Variants in RRP9 observed in about 807,000 individuals in gnomAD.
RRP9 encodes the protein U3 small nucleolar RNA-interacting protein 2.
In RRP9, 35 loss-of-function variants were observed where a neutral mutation model predicts 65.5. The observed-to-expected ratio is 0.53, with a 90% CI of 0.41 to 0.71. The LOEUF (loss-of-function observed/expected upper bound fraction) is 0.71. Among genes scored for constraint, RRP9 ranks in the 30% least tolerant of loss-of-function variants. The pLI is 0.00. For missense variants in RRP9, 533 were observed against 633.6 expected, an observed-to-expected ratio of 0.84 and a Z score of 1.70; for synonymous variants, 254 against 245.0, an observed-to-expected ratio of 1.04 and a Z score of -0.34.
Position 51,937,914 on chromosome 3 carries a change from G to A in RRP9, c.281-178C>T, listed in dbSNP as rs937898296. Reference sequence around the variant, plus strand: ...TTTACTTATCAGATCAGCCCCCTGCGGGCTCCCCAGGAGGCCCATGAGAGC... The same window carrying A: ...TTTACTTATCAGATCAGCCCCCTGCAGGCTCCCCAGGAGGCCCATGAGAGC... On this transcript the variant is annotated intron_variant, in intron 3 of 14. Coordinates refer to ENST00000232888, the MANE Select transcript of RRP9 (RefSeq NM_004704.5). The surrounding 1 kb of genome is among the most constrained non-coding windows in gnomAD (Gnocchi z 5.0). Among the ~76,000 whole-genome samples the A allele has an allele frequency of 3.9e-5, 6 of 152,352 alleles. No homozygotes were observed. The highest frequency in any genetic ancestry group is 1.2e-4 in the African/African-American group (5 of 41,584).
In RRP9 at chr3:51,937,499, C is replaced by T. The variant is rs201147478; in HGVS notation, c.390+46G>A. ...AGTGTCCACCATGTTCCAAGTGGGG[C>T]CCCCAATTCCCTCCAACCTTATACC... On this transcript the variant is annotated intron_variant, in intron 5 of 14. Transcript: ENST00000232888. This position sits in a 1 kb window ranked among gnomAD's most constrained non-coding sequence, Gnocchi z 5.0. 2 of 1,613,054 alleles carry T rather than the reference C, an allele frequency of 1.2e-6. No homozygotes were observed. The highest frequency in any genetic ancestry group is 2.7e-5 in the African/African-American group (2 of 75,034).
In RRP9 at chr3:51,938,083, C is replaced by T; in HGVS notation, c.280+12G>A. On this transcript the variant is annotated intron_variant, in intron 3 of 14. Transcript: ENST00000232888. ...GAAGCCCTGCCCATGGCTGGCCTGC[C>T]CACTGGCTCACCTTGCTGACGGAGC... is the stretch of plus-strand genomic sequence containing the variant. The T allele has an allele frequency of 6.3e-7, 1 of 1,589,222 alleles. No individual in the cohort carries two copies. The highest frequency in any genetic ancestry group is 8.5e-7 in the Non-Finnish European group (1 of 1,171,880).
chr3:51,935,381 T>C lies in RRP9; in HGVS notation c.932A>G (p.Lys311Arg), dbSNP rs1699445377. Residue 311 changes from lysine (K) to arginine (R), a missense_variant, in exon 10 of 15, where the codon AAG becomes AGG. Physicochemically the swap from Lys to Arg is conservative, Grantham distance 26. Coordinates refer to ENST00000232888, the MANE Select transcript of RRP9 (RefSeq NM_004704.5). The stretch of plus-strand genomic sequence containing the variant: ...GACAAGCTGGGACTCCTCGGGGATC[T>C]TCCACACACGTACAGTCCCATCCCG... ...GGRDGTVRVWKIPEESQLVFY... is the reference protein window; with the variant it reads ...GGRDGTVRVWRIPEESQLVFY... 1 of 1,614,114 alleles carries C rather than the reference T, an allele frequency of 6.2e-7. No homozygotes were observed. The highest frequency in any genetic ancestry group is 2.2e-5 in the East Asian group (1 of 44,874).
At chr3:51,938,337 C>G in intron 2 of RRP9, 133 bp from the exon 3 acceptor site, 1 of 656,552 alleles carries the variant, frequency 1.5e-6, no homozygotes, top group African/African-American at 1.9e-5. Context: ...GGTGACTACA[C>G]TGCAGAAAAC....
chr3:51,934,868 T>C lies in RRP9; in HGVS notation c.1035-92A>G. 1.5e-6 allele frequency: 2 copies of C among 1,347,736 alleles called. No homozygotes were observed. Among genetic ancestry groups the C allele is most frequent in the South Asian group, 1.3e-5 (1 of 77,982 alleles). The allele number at this position is 1,347,736 out of a possible 1,614,324, so 83.5% of individuals were successfully genotyped here. On this transcript the variant is annotated intron_variant, in intron 11 of 14. Transcript: ENST00000232888. This position sits in a 1 kb window ranked among gnomAD's most constrained non-coding sequence, Gnocchi z 4.1. ...AAGGATTAATGCTTGAGGGGATGGA[T>C]ACCCCATTTCCCATGATGTGATTAT...
Position 51,935,380 on chromosome 3 carries a change from C to G in RRP9, c.933G>C (p.Lys311Asn), listed in dbSNP as rs143172684. Reference sequence around the variant, plus strand: ...AGACAAGCTGGGACTCCTCGGGGATCTTCCACACACGTACAGTCCCATCCC... The same window carrying G: ...AGACAAGCTGGGACTCCTCGGGGATGTTCCACACACGTACAGTCCCATCCC... ...GGRDGTVRVW[K>N]IPEESQLVFY... is the part of the protein sequence containing the mutation. The change falls in exon 10 of 15, where the codon AAG becomes AAC. Residue 311 changes from lysine (K) to asparagine (N), a missense_variant. Physicochemically the swap from Lys to Asn is moderately conservative, Grantham distance 94. Transcript: ENST00000232888. The G allele has an allele frequency of 3.1e-6, 5 of 1,614,070 alleles. No individual in the cohort carries two copies. In the African/African-American group the frequency reaches 6.7e-5, roughly 22 times the overall value.
chr3:51,938,819 C>T (rs116788287), intron 2 of RRP9, among the ~76,000 whole-genome samples: 4,449 of 152,238 alleles, frequency 0.029, 124 homozygotes, highest in African/African-American at 0.064. Context: ...CCAGACATGA[C>T]GGGGGCAGTC....
rs5848937 is a variant in RRP9 at position 51,941,553 on chromosome 3, G to GCCC, written c.88-65_88-63dup. The GCCC allele has an allele frequency of 3.5e-3, 4,531 of 1,289,786 alleles. 139 individuals carry two copies. In the African/African-American group the frequency reaches 0.061, roughly 17 times the overall value. 79.9% of individuals were successfully genotyped at this position (1,289,786 alleles called of 1,614,324 possible). On this transcript the variant is annotated intron_variant, in intron 1 of 14. Transcript: ENST00000232888. Reference sequence around the variant, plus strand: ...CAGACCACCCTGGCATTGACCAAGGGCCCCCCCCCCTCGGTTCCCTCAGAA... The same window carrying GCCC: ...CAGACCACCCTGGCATTGACCAAGGGCCCCCCCCCCCCCTCGGTTCCCTCAGAA...
rs1244516177 is a variant in RRP9, at chr3:51,941,463, G to C, written c.116C>G (p.Ser39Cys). 1.9e-6 allele frequency: 3 copies of C among 1,614,004 alleles called. No individual in the cohort carries two copies. The highest frequency in any genetic ancestry group is 1.3e-5 in the African/African-American group (1 of 74,904). The part of the protein sequence containing the change: ...KADSAGDRGK[S>C]KGGGKMNEEI... Reference sequence around the variant, plus strand: ...CTCATTCATCTTGCCGCCACCCTTGGATTTGCCCCTGTCCCCCGCAGAGTC... The same window carrying C: ...CTCATTCATCTTGCCGCCACCCTTGCATTTGCCCCTGTCCCCCGCAGAGTC... The change falls in exon 2 of 15, where the codon TCC (serine) becomes TGC (cysteine). Residue 39 changes from serine (S) to cysteine (C), a missense_variant. By Grantham distance (112) the Ser-to-Cys change is moderately radical. Around this residue, in one of 3 missense-constraint regions of RRP9, gnomAD observed 77 missense variants for 60.5 expected, o/e 1.27. Transcript: ENST00000232888.
Position 51,934,680 on chromosome 3 carries a change from G to C in RRP9, c.1131C>G (p.Phe377Leu). 1 of 1,614,178 alleles carries C rather than the reference G, an allele frequency of 6.2e-7. No individual in the cohort carries two copies. The highest frequency in any genetic ancestry group is 1.1e-5 in the South Asian group (1 of 91,088). The part of the protein sequence containing the change: ...LRGEPGLEQP[F>L]WISSVAALLN... ...GGAGGGCTGCCACCGACGATATCCA[G>C]AAGGGCTGCTCCAGGCCTGGCTCTC... is the stretch of plus-strand genomic sequence containing the variant. The change falls in exon 12 of 15, where the codon TTC (phenylalanine) becomes TTG (leucine). Residue 377 changes from phenylalanine (F) to leucine (L), a missense_variant. Coordinates refer to ENST00000232888, the MANE Select transcript of RRP9 (RefSeq NM_004704.5). This position sits in a 1 kb window ranked among gnomAD's most constrained non-coding sequence, Gnocchi z 4.1.
chr3:51,939,079 C>CA (rs759558911), intron 2 of RRP9, among the ~76,000 whole-genome samples: 1 of 152,196 alleles, frequency 6.6e-6, no homozygotes, highest in Admixed American at 6.5e-5. Context: ...CACTCAGACA[C>CA]AGAGAATCCA....
intron 2 of RRP9, among the ~76,000 whole-genome samples, chr3:51,940,571 A>C (rs1405273612): frequency 6.6e-6 from 1 of 151,920 alleles, no homozygotes; most frequent in African/African-American, 2.4e-5. Context: ...CAGACTGGAG[A>C]GCAGTGCATG....
chr3:51,937,200 A>C lies in RRP9; in HGVS notation c.509T>G (p.Ile170Ser), dbSNP rs1461114926. The change falls in exon 6 of 15, where the codon ATC becomes AGC. Residue 170 changes from isoleucine to serine, a missense_variant. Transcript: ENST00000232888. This position sits in a 1 kb window ranked among gnomAD's most constrained non-coding sequence, Gnocchi z 5.0. ...CCCAGGCACTCACTCACACTTAATG[A>C]TGCTGCAGTCTTTGGCAGCAGAGAA... ...AIFSAAKDCS[I>S]IKWSVESGRK... 9 of 1,613,252 alleles carry C rather than the reference A, an allele frequency of 5.6e-6. No individual in the cohort carries two copies. The highest frequency in any genetic ancestry group is 5.9e-6 in the Non-Finnish European group (7 of 1,179,684).
rs1699413549 is a variant in RRP9 at position 51,933,482 on chromosome 3, A to G, written c.*24T>C. 2 of 1,589,720 alleles carry G rather than the reference A, an allele frequency of 1.3e-6. No homozygotes were observed. ...GAGGGTGGGGCATAGCCTGGGAAGG[A>G]CTTAAATAAGGAGGATAAGAGTGTC... On this transcript the variant is annotated 3_prime_UTR_variant, in exon 15 of 15. Transcript: ENST00000232888.
chr3:51,934,307 G>A lies in RRP9; in HGVS notation c.1260+165C>T, dbSNP rs540422993. ...GACAGGGCCTAGGATAGGAAGGGGAGCAGAGGAGGGAAAGTGGGGAGGGTT... is the reference window on the plus strand; with the variant it reads ...GACAGGGCCTAGGATAGGAAGGGGAACAGAGGAGGGAAAGTGGGGAGGGTT... On this transcript the variant is annotated intron_variant, in intron 13 of 14. Coordinates refer to ENST00000232888, the MANE Select transcript of RRP9 (RefSeq NM_004704.5). This position sits in a 1 kb window ranked among gnomAD's most constrained non-coding sequence, Gnocchi z 4.1. 7.2e-5 allele frequency among the ~76,000 whole-genome samples: 11 copies of A among 152,340 alleles called. No homozygotes were observed. The South Asian group carries it at 2.3e-3, about 32-fold the overall frequency.
At chr3:51,935,503 T>C in intron 9 of RRP9, 27 bp from the exon 10 acceptor site, 1 of 1,613,938 alleles carries the variant, frequency 6.2e-7, no homozygotes, top group Non-Finnish European at 8.5e-7. Flanking sequence ...AGCAGGATAG[T>C]GGGGATAGGG....
Position 51,937,334 on chromosome 3 carries a change from C to A in RRP9, c.391-16G>T. The A allele has an allele frequency of 6.2e-7, 1 of 1,613,916 alleles. No homozygotes were observed. The highest frequency in any genetic ancestry group is 1.3e-5 in the African/African-American group (1 of 75,060). The stretch of plus-strand genomic sequence containing the variant: ...GGGCCTGGATCTGGGCAGACAGGGG[C>A]CAGGTCACTGTGGCTAGTGGCATAA... On this transcript the variant is annotated splice_polypyrimidine_tract_variant and intron_variant, in intron 5 of 14. Coordinates refer to ENST00000232888, the MANE Select transcript of RRP9 (RefSeq NM_004704.5). The surrounding 1 kb of genome is among the most constrained non-coding windows in gnomAD (Gnocchi z 5.0).
Position 51,937,739 on chromosome 3 carries a change from G to C in RRP9, c.281-3C>G. 1 of 1,613,912 alleles carries C rather than the reference G, an allele frequency of 6.2e-7. No homozygotes were observed. The highest frequency in any genetic ancestry group is 8.5e-7 in the Non-Finnish European group (1 of 1,180,010). On this transcript the variant is annotated splice_polypyrimidine_tract_variant and splice_region_variant and intron_variant, in intron 3 of 14. Coordinates refer to ENST00000232888, the MANE Select transcript of RRP9 (RefSeq NM_004704.5). The surrounding 1 kb of genome is among the most constrained non-coding windows in gnomAD (Gnocchi z 5.0). ...ACGGGCCTCAGCCTTCTCCTCCTCT[G>C]TGCAGGACAGACCAGACCAAGTAAA...
intron 1 of RRP9, 37 bp from the exon 2 acceptor site, chr3:51,941,528 C>T (rs778130074): frequency 6.3e-7 from 1 of 1,584,634 alleles, no homozygotes; most frequent in Non-Finnish European, 8.7e-7. Flanking sequence ...GTCAGGGGTC[C>T]AGACCACCCT....
Sources: gnomAD v4.1 joint callset for allele counts (sites outside exome capture counted in the v4.1 genomes callset) on GRCh38, gnomAD v4.1.1 for gene constraint, gnomAD v4.1.1 regional missense constraint, Gnocchi (gnomAD v3.1) non-coding constraint, MANE v1.5 for transcripts, NCBI Gene and HGNC (gene_info 2026-07-23, HGNC 2026-07-21) for gene names.